ADAMTS16: variants seen among roughly 807,000 people sequenced by gnomAD.
ADAMTS16 encodes ADAM metallopeptidase with thrombospondin type 1 motif 16, also known as A disintegrin and metalloproteinase with thrombospondin motifs 16.
Under a neutral mutation model 145.8 loss-of-function variants are expected in ADAMTS16, and 94 were observed. The ratio of observed to expected loss-of-function variants is 0.64; its 90% CI spans 0.55 to 0.77. The LOEUF is 0.77. ADAMTS16 is among the 30% of genes least tolerant of loss of function. ADAMTS16 has a pLI of 0.00. For missense variants in ADAMTS16, 1,585 were observed against 1,591.5 expected (o/e 1.00, Z 0.07); for synonymous variants, 659 against 604.3 (o/e 1.09, Z -1.33).
intron 2 of ADAMTS16, among the ~76,000 whole-genome samples, chr5:5,144,967 C>T (rs987060247): frequency 1.3e-5 from 2 of 152,034 alleles, no homozygotes; most frequent in African/African-American, 2.4e-5. Context: ...GTTGGGTGGG[C>T]GAGGCATGGA....
At chr5:5,238,036 G>T (rs891196804) in intron 14 of ADAMTS16, among the ~76,000 whole-genome samples, 2 of 152,010 alleles carry the variant, frequency 1.3e-5, no homozygotes, top group Admixed American at 1.3e-4. Context: ...ATTGACCATG[G>T]TAAAGTTGAA....
chr5:5,204,098 G>C (rs1172773251), intron 9 of ADAMTS16, among the ~76,000 whole-genome samples: 1 of 152,140 alleles, frequency 6.6e-6, no homozygotes, highest in African/African-American at 2.4e-5. Context: ...GAAGGACCGA[G>C]GGAATCAGTT....
intron 6 of ADAMTS16, among the ~76,000 whole-genome samples, 190 bp from the exon 7 acceptor site, chr5:5,189,781 G>A (rs1168018861): frequency 6.6e-6 from 1 of 152,190 alleles, no homozygotes; most frequent in Admixed American, 6.5e-5. Context: ...AGAGAAACGT[G>A]CCTAAGTGTG....
Position 5,304,499 on chromosome 5 carries a change from C to G in ADAMTS16, c.3186+733C>G, listed in dbSNP as rs535955341. Among the ~76,000 whole-genome samples the G allele has an allele frequency of 2.0e-5, 3 of 152,184 alleles. No homozygotes were observed. The East Asian group carries it at 5.8e-4, about 29-fold the overall frequency. On this transcript the variant is annotated intron_variant, in intron 20 of 22. Coordinates refer to ENST00000274181, the MANE Select transcript of ADAMTS16 (RefSeq NM_139056.4). ...TCTGAACGGGGTATTGAGAGATCACCGTAACCCAGAGCTGTGCCTCTGCAT... is the reference window on the plus strand; with the variant it reads ...TCTGAACGGGGTATTGAGAGATCACGGTAACCCAGAGCTGTGCCTCTGCAT...
intron 9 of ADAMTS16, among the ~76,000 whole-genome samples, chr5:5,200,819 T>G (rs763440277): frequency 4.0e-4 from 61 of 152,296 alleles, no homozygotes; most frequent in Non-Finnish European, 8.4e-4. Flanking sequence ...TTCTGTAATC[T>G]TCAATAATAT....
intron 3 of ADAMTS16, among the ~76,000 whole-genome samples, chr5:5,159,856 G>C (rs1734695781): frequency 6.6e-6 from 1 of 152,178 alleles, no homozygotes; most frequent in Non-Finnish European, 1.5e-5. Flanking sequence ...TGCTTAACAA[G>C]TTATCATAAA....
intron 10 of ADAMTS16, among the ~76,000 whole-genome samples, chr5:5,221,354 G>A (rs1027725233): frequency 2.6e-5 from 4 of 151,980 alleles, no homozygotes; most frequent in African/African-American, 9.7e-5. Flanking sequence ...AACATACCCG[G>A]GTGCTCGCAG....
At chr5:5,166,529 C>T (rs1336950113) in intron 3 of ADAMTS16, among the ~76,000 whole-genome samples, 1 of 152,130 alleles carries the variant, frequency 6.6e-6, no homozygotes, top group Non-Finnish European at 1.5e-5. Context: ...AGGCTTCCTG[C>T]GGGAGTCCTG....
At position 5,182,303 on chromosome 5, in the gene ADAMTS16, A is replaced by G. The variant is rs780262604; in HGVS notation, c.761A>G (p.Lys254Arg). The G allele has an allele frequency of 6.8e-6, 11 of 1,611,234 alleles. No homozygotes were observed. The Admixed American group carries it at 1.7e-4, about 24-fold the overall frequency. Residue 254 changes from lysine (K) to arginine (R), a missense_variant and splice_region_variant, in exon 4 of 23, where the codon AAA becomes AGA. Lys to Arg is a conservative substitution (Grantham distance 26, BLOSUM62 2). This residue lies in a region of ADAMTS16 where 453 missense variants were observed against 412.1 expected (regional missense o/e 1.10). Coordinates refer to ENST00000274181, the MANE Select transcript of ADAMTS16 (RefSeq NM_139056.4). ...QKQHFCGRRK[K>R]YMPQPPKEDL... ...CAGCATTTCTGTGGAAGACGCAAGA[A>G]ATGTATGTAAGGGCGAATCTTTGTG...
intron 11 of ADAMTS16, chr5:5,223,661 A>G (rs1736674063): frequency 6.6e-6 from 1 of 152,192 alleles, no homozygotes; most frequent in Non-Finnish European, 1.5e-5. Flanking sequence ...AAAGAAATAT[A>G]CAAGATAACA....
chr5:5,210,124 C>T lies in ADAMTS16; in HGVS notation c.1605+878C>T, dbSNP rs549009436. Among the ~76,000 whole-genome samples, 119 of 152,296 alleles carry T rather than the reference C, an allele frequency of 7.8e-4. No individual in the cohort carries two copies. In the South Asian group the frequency reaches 0.015, roughly 19 times the overall value. ...CAGACTGGAACAAGATCTGTAAATC[C>T]GTCAGCAGCAGCAGACATTCTCAAT... On this transcript the variant is annotated intron_variant, in intron 10 of 22. Transcript: ENST00000274181.
At chr5:5,189,256 G>T (rs1213625678) in intron 6 of ADAMTS16, among the ~76,000 whole-genome samples, 1 of 152,138 alleles carries the variant, frequency 6.6e-6, no homozygotes, top group African/African-American at 2.4e-5. Context: ...AAATAACTTG[G>T]TGCAGGCTGG....
At chr5:5,173,574 T>C (rs1241331602) in intron 3 of ADAMTS16, among the ~76,000 whole-genome samples, 1 of 151,838 alleles carries the variant, frequency 6.6e-6, no homozygotes, top group East Asian at 1.9e-4. Context: ...CCCAGGTACA[T>C]GCCATTCTCC....
At position 5,317,514 on chromosome 5, in the gene ADAMTS16, C is replaced by A. The variant is rs1255938816; in HGVS notation, c.3412-620C>A. Among the ~76,000 whole-genome samples the A allele has an allele frequency of 6.6e-6, 1 of 152,144 alleles. No individual in the cohort carries two copies. Among genetic ancestry groups the A allele is most frequent in the Non-Finnish European group, 1.5e-5 (1 of 68,024 alleles). ...GGTTCAGGCGATTCTCATGCCTCAG[C>A]TTCCCAAGTAGCTGGGATTACAGGT... On this transcript the variant is annotated intron_variant, in intron 21 of 22. Coordinates refer to ENST00000274181, the MANE Select transcript of ADAMTS16 (RefSeq NM_139056.4). This position sits in a 1 kb window ranked among gnomAD's most constrained non-coding sequence, Gnocchi z 4.5.
intron 11 of ADAMTS16, among the ~76,000 whole-genome samples, chr5:5,228,332 G>T (rs1736824980): frequency 6.6e-6 from 1 of 152,086 alleles, no homozygotes; most frequent in South Asian, 2.1e-4. Flanking sequence ...ATTATTGATG[G>T]ATTTATTTTG....
At chr5:5,200,876 T>C (rs1327321983) in intron 9 of ADAMTS16, among the ~76,000 whole-genome samples, 2 of 152,298 alleles carry the variant, frequency 1.3e-5, no homozygotes, top group East Asian at 3.9e-4. Context: ...AGATAAAACA[T>C]TGGGGAGGTA....
At chr5:5,196,013 G>A (rs1385403564) in intron 8 of ADAMTS16, among the ~76,000 whole-genome samples, 3 of 152,030 alleles carry the variant, frequency 2.0e-5, no homozygotes, top group East Asian at 3.9e-4. Flanking sequence ...GGATCATGAG[G>A]TCAGGAGTTC....
intron 17 of ADAMTS16, 135 bp from the exon 18 acceptor site, chr5:5,262,522 G>A (rs945900710): frequency 2.0e-5 from 24 of 1,215,196 alleles, no homozygotes; most frequent in Admixed American, 2.7e-5. Flanking sequence ...TTAATAGTTG[G>A]CCAGTTGGTC....
intron 5 of ADAMTS16, among the ~76,000 whole-genome samples, chr5:5,187,391 T>C (rs757826455): frequency 1.3e-5 from 2 of 152,188 alleles, no homozygotes; most frequent in East Asian, 1.9e-4. Flanking sequence ...CTTGCACTTA[T>C]GGAATTCCTT....
Sources: gnomAD v4.1 joint callset for allele counts (sites outside exome capture counted in the v4.1 genomes callset) on GRCh38, gnomAD v4.1.1 for gene constraint, gnomAD v4.1.1 regional missense constraint, Gnocchi (gnomAD v3.1) non-coding constraint, MANE v1.5 for transcripts, NCBI Gene and HGNC (gene_info 2026-07-23, HGNC 2026-07-21) for gene names.